EPN2: variants seen among roughly 807,000 people sequenced by gnomAD.
EPN2 encodes the protein epsin-2.
A neutral mutation model predicts 61.7 loss-of-function variants in EPN2; 34 were observed. The observed-to-expected ratio is 0.55, with a 90% CI of 0.42 to 0.73. The LOEUF (loss-of-function observed/expected upper bound fraction) is 0.73. EPN2 is among the 30% of genes least tolerant of loss of function. The pLI, the probability that EPN2 is intolerant of heterozygous loss-of-function variation, is 0.00. For synonymous variants in EPN2, 349 were observed against 353.6 expected (o/e 0.99, Z 0.15); for missense variants, 714 against 839.2 (o/e 0.85, Z 1.84).
At chr17:19,279,458 A>G (rs2045339361) in intron 1 of EPN2, among the ~76,000 whole-genome samples, 1 of 148,284 alleles carries the variant, frequency 6.7e-6, no homozygotes, top group Admixed American at 6.7e-5. Flanking sequence ...TTTTTTTTTG[A>G]GACAGAGTCT....
intron 1 of EPN2, chr17:19,273,928 C>T (rs1230234266): frequency 1.3e-5 from 2 of 152,126 alleles, no homozygotes; most frequent in African/African-American, 4.8e-5. Flanking sequence ...TAGCACTGTC[C>T]ATATTGTCCT....
intron 4 of EPN2, chr17:19,308,404 C>A: frequency 1.0e-6 from 1 of 985,434 alleles, no homozygotes; most frequent in Non-Finnish European, 1.2e-6. Flanking sequence ...GACCCGTTAA[C>A]CATGAAATTG....
Position 19,312,953 on chromosome 17 carries a change from TG to T in EPN2, c.973-149del, listed in dbSNP as rs1266433289. 1.1e-5 allele frequency: 8 copies of T among 724,084 alleles called. No individual in the cohort carries two copies. The Admixed American group carries it at 2.0e-4, about 18-fold the overall frequency. 44.9% of individuals were successfully genotyped at this position (724,084 alleles called of 1,614,324 possible). A position where few individuals can be genotyped will look rare whatever the true frequency, so the allele number is the denominator to read the frequency against. ...AGAGCTGGCTGGACGGGGAGGGAGA[TG>T]GGACGGCTCAGTTTCCAAGTTCTTC... On this transcript the variant is annotated intron_variant, in intron 6 of 10. Transcript: ENST00000314728.
At chr17:19,282,634 G>T (rs1233178475) in intron 2 of EPN2, 1 of 154,114 alleles carries the variant, frequency 6.5e-6, no homozygotes, top group African/African-American at 2.4e-5. Context: ...GCTTCCCCCA[G>T]TGTTTCCGAT....
chr17:19,332,023 A>C lies in EPN2; in HGVS notation c.1582A>C (p.Arg528=). The C allele has an allele frequency of 6.2e-7, 1 of 1,613,390 alleles. No individual in the cohort carries two copies. Among genetic ancestry groups the C allele is most frequent in the Non-Finnish European group, 8.5e-7 (1 of 1,179,986 alleles). Residue 528 remains arginine (R), a synonymous_variant, in exon 10 of 11, where the codon AGG becomes CGG. Transcript: ENST00000314728. ...GGTGAACCTGGACTCACTGGTGACC[A>C]GGCCTGCCCCACCAGCCCAGTCCCT... ...ALVNLDSLVT[R]PAPPAQSLNP...
In EPN2 at chr17:19,313,366, G is replaced by A. The variant is rs142878492; in HGVS notation, c.1147+87G>A. 2.0e-5 allele frequency: 27 copies of A among 1,319,964 alleles called. No individual in the cohort carries two copies. The East Asian group carries it at 5.2e-4, about 25-fold the overall frequency. 81.8% of individuals were successfully genotyped at this position (1,319,964 alleles called of 1,614,324 possible). A position where few individuals can be genotyped will look rare whatever the true frequency, so the allele number is the denominator to read the frequency against. ...GCTTCTTGCTGTCTCTCACCCACTTGGGTCTGGTCGATTGTGGTGGGTGTC... is the reference window on the plus strand; with the variant it reads ...GCTTCTTGCTGTCTCTCACCCACTTAGGTCTGGTCGATTGTGGTGGGTGTC... On this transcript the variant is annotated intron_variant, in intron 7 of 10. Coordinates refer to ENST00000314728, the MANE Select transcript of EPN2 (RefSeq NM_014964.5).
intron 7 of EPN2, among the ~76,000 whole-genome samples, chr17:19,315,436 G>C (rs1022361085): frequency 3.9e-5 from 6 of 152,272 alleles, no homozygotes; most frequent in Admixed American, 3.3e-4. Context: ...TGCTGCCCAT[G>C]TGAATCTGCC....
Position 19,335,589 on chromosome 17 carries a change from C to A in EPN2, c.*1335C>A. On this transcript the variant is annotated 3_prime_UTR_variant, in exon 11 of 11. Transcript: ENST00000314728. Reference sequence around the variant, plus strand: ...GGGGTGCTTCTGTGCCCACGGGTCCCTGGGCAACAGTCCCTAGGCTAAGAC... The same window carrying A: ...GGGGTGCTTCTGTGCCCACGGGTCCATGGGCAACAGTCCCTAGGCTAAGAC... 1.0e-6 allele frequency: 1 copy of A among 977,168 alleles called. No homozygotes were observed. Among genetic ancestry groups the A allele is most frequent in the Non-Finnish European group, 1.5e-6 (1 of 683,610 alleles). 60.5% of individuals were successfully genotyped at this position (977,168 alleles called of 1,614,324 possible).
At chr17:19,274,124 G>A (rs1159963241) in intron 1 of EPN2, 2 of 152,322 alleles carry the variant, frequency 1.3e-5, no homozygotes, top group Non-Finnish European at 2.9e-5. Flanking sequence ...GGATTGCGGA[G>A]TATTGCACAC....
intron 7 of EPN2, among the ~76,000 whole-genome samples, chr17:19,320,960 G>T (rs74755872): frequency 0.013 from 1,966 of 152,298 alleles, 29 homozygotes; most frequent in South Asian, 0.066. Context: ...TGTCAGGCTT[G>T]GATCTCGGGG....
At chr17:19,296,217 C>T (rs1412261479) in intron 4 of EPN2, among the ~76,000 whole-genome samples, 1 of 152,012 alleles carries the variant, frequency 6.6e-6, no homozygotes, top group Non-Finnish European at 1.5e-5. Context: ...GTGGCGTGAT[C>T]TCGGCTCACT....
At position 19,246,681 on chromosome 17, in the gene EPN2, C is replaced by G. The variant is rs117908458; in HGVS notation, c.-294+9150C>G. ...TATTAAAAGGCCCCTTCCGCCCCCCCCAAAAAAATATCCTAGCAATAAAGG... is the reference window on the plus strand; with the variant it reads ...TATTAAAAGGCCCCTTCCGCCCCCCGCAAAAAAATATCCTAGCAATAAAGG... On this transcript the variant is annotated intron_variant, in intron 1 of 10. Coordinates refer to ENST00000314728, the MANE Select transcript of EPN2 (RefSeq NM_014964.5). Among the ~76,000 whole-genome samples, 109 of 150,214 alleles carry G rather than the reference C, an allele frequency of 7.3e-4. No individual in the cohort carries two copies. The East Asian group carries it at 0.017, about 23-fold the overall frequency.
rs182491472 is a variant in EPN2 at position 19,323,733 on chromosome 17, A to T, written c.1148-4978A>T. On this transcript the variant is annotated intron_variant, in intron 7 of 10. Transcript: ENST00000314728. ...TCTTCCAAGAATTGATAATTTTTTT[A>T]AAAAAGATATTTTAAATTTGGAAAC... Among the ~76,000 whole-genome samples the T allele has an allele frequency of 7.6e-3, 1,154 of 152,350 alleles. 25 individuals are homozygous for T. The highest frequency in any genetic ancestry group is 6.0e-3 in the Non-Finnish European group (406 of 68,026).
chr17:19,237,878 G>C (rs1280484289), intron 1 of EPN2, among the ~76,000 whole-genome samples: 1 of 151,976 alleles, frequency 6.6e-6, no homozygotes, highest in Non-Finnish European at 1.5e-5. Flanking sequence ...CTGGAGCCCC[G>C]TTCATCTTGG....
chr17:19,239,604 A>G (rs2044860648), intron 1 of EPN2, among the ~76,000 whole-genome samples: 1 of 152,180 alleles, frequency 6.6e-6, no homozygotes, highest in African/African-American at 2.4e-5. Flanking sequence ...GATTTTGGTA[A>G]AGTGTAAGTT....
chr17:19,305,942 T>G (rs1354339792), intron 4 of EPN2: 1 of 152,246 alleles, frequency 6.6e-6, no homozygotes, highest in Non-Finnish European at 1.5e-5. Flanking sequence ...GGCCTACCTG[T>G]GGTTACAGTT....
chr17:19,238,484 A>G (rs1174190621), intron 1 of EPN2, among the ~76,000 whole-genome samples: 1 of 152,148 alleles, frequency 6.6e-6, no homozygotes, highest in Admixed American at 6.5e-5. Flanking sequence ...CCGCCCAAGG[A>G]GTCCGTCTGG....
At chr17:19,276,504 A>T (rs1341783116) in intron 1 of EPN2, 1 of 148,742 alleles carries the variant, frequency 6.7e-6, no homozygotes, top group Non-Finnish European at 1.5e-5. Context: ...GAGCCACTGC[A>T]CCTGGCCCTA....
chr17:19,290,406 AG>A (rs1451183103), intron 4 of EPN2, among the ~76,000 whole-genome samples: 1 of 152,192 alleles, frequency 6.6e-6, no homozygotes, highest in Non-Finnish European at 1.5e-5. Context: ...CCTACATCAA[AG>A]GGAGGCAGAT....
Sources: gnomAD v4.1 joint callset for allele counts (sites outside exome capture counted in the v4.1 genomes callset) on GRCh38, gnomAD v4.1.1 for gene constraint, MANE v1.5 for transcripts, NCBI Gene and HGNC (gene_info 2026-07-23, HGNC 2026-07-21) for gene names.